Variants in GTPBP10 observed in about 807,000 individuals in gnomAD.
The protein encoded by GTPBP10 is GTP binding protein 10, also known as GTP-binding protein 10.
Under a neutral mutation model 44.8 loss-of-function variants are expected in GTPBP10, and 38 were observed. The ratio of observed to expected loss-of-function variants is 0.85; its 90% confidence interval spans 0.65 to 1.11. GTPBP10 has a LOEUF of 1.11. Ranked by LOEUF, GTPBP10 falls within the 50% of genes most tolerant of loss-of-function variation. The pLI is 0.00. For synonymous variants in GTPBP10, 152 were observed against 150.6 expected (o/e 1.01, Z -0.07); for missense variants, 462 against 453.7 (o/e 1.02, Z -0.17).
Position 90,372,915 on chromosome 7 carries a change from G to A in GTPBP10, c.538+687G>A, listed in dbSNP as rs142792855. On this transcript the variant is annotated intron_variant, in intron 5 of 9. Transcript: ENST00000222511. The stretch of plus-strand genomic sequence containing the variant: ...AGTTTGTAGACTAGTGGAGTAAGGC[G>A]TACATATCACTAATAAATATAAGGG... Among the ~76,000 whole-genome samples the A allele has an allele frequency of 5.6e-3, 847 of 152,214 alleles. 6 individuals are homozygous for A. Among genetic ancestry groups the A allele is most frequent in the Non-Finnish European group, 9.0e-3 (609 of 68,024 alleles).
chr7:90,353,352 C>G lies in GTPBP10; in HGVS notation c.227+343C>G, dbSNP rs184366130. On this transcript the variant is annotated intron_variant, in intron 2 of 9. Coordinates refer to ENST00000222511, the MANE Select transcript of GTPBP10 (RefSeq NM_033107.4). ...TCAGTCTTAACCATGCTACTCTACC[C>G]CACCACCATTAGAAGGCAAGATAAC... 954 of 171,930 alleles carry G rather than the reference C, an allele frequency of 5.5e-3. 5 individuals carry two copies. Among genetic ancestry groups the G allele is most frequent in the Middle Eastern group, 0.025 (9 of 364 alleles). 10.7% of individuals were successfully genotyped at this position (171,930 alleles called of 1,614,324 possible).
Position 90,384,868 on chromosome 7 carries a change from CTTTG to C in GTPBP10, c.902-18_902-15del, listed in dbSNP as rs747529954. 4.5e-6 allele frequency: 7 copies of C among 1,567,724 alleles called. No homozygotes were observed. In the Admixed American group the frequency reaches 5.8e-5, roughly 13 times the overall value. On this transcript the variant is annotated intron_variant, in intron 9 of 9. Coordinates refer to ENST00000222511, the MANE Select transcript of GTPBP10 (RefSeq NM_033107.4). ...AACTTTCGAAAACAATGGAAATCAG[CTTTG>C]TTTGTGCTCTTTCTTTTAGATTTTC...
chr7:90,366,200 G>A lies in GTPBP10; in HGVS notation c.465-5955G>A, dbSNP rs184252551. On this transcript the variant is annotated intron_variant, in intron 4 of 9. Transcript: ENST00000222511. Reference sequence around the variant, plus strand: ...ATTGAGGATTTTCGCATTGATGTTCGTCAGGGATATTGGCCTAGAATTCTC... The same window carrying A: ...ATTGAGGATTTTCGCATTGATGTTCATCAGGGATATTGGCCTAGAATTCTC... Among the ~76,000 whole-genome samples the A allele has an allele frequency of 8.3e-3, 1,259 of 151,948 alleles. 9 individuals carry two copies. The highest frequency in any genetic ancestry group is 0.014 in the Non-Finnish European group (944 of 68,002).
chr7:90,368,115 C>G (rs746204798), intron 4 of GTPBP10, among the ~76,000 whole-genome samples: 3 of 152,218 alleles, frequency 2.0e-5, no homozygotes, highest in Non-Finnish European at 2.9e-5. Context: ...GGCCCCCACT[C>G]TCTTCTGGCT....
intron 4 of GTPBP10, among the ~76,000 whole-genome samples, chr7:90,367,820 A>T (rs546732936): frequency 2.7e-4 from 41 of 152,314 alleles, no homozygotes; most frequent in African/African-American, 9.9e-4. Context: ...TGATCCTGCC[A>T]TTATGACGTT....
intron 6 of GTPBP10, among the ~76,000 whole-genome samples, chr7:90,376,222 G>A (rs1038938719): frequency 6.6e-6 from 1 of 151,904 alleles, no homozygotes; most frequent in Admixed American, 6.6e-5. Flanking sequence ...GCGACAGAGC[G>A]AGACTCTCTC....
chr7:90,357,281 A>G (rs1474384749), intron 4 of GTPBP10, among the ~76,000 whole-genome samples: 1 of 152,282 alleles, frequency 6.6e-6, no homozygotes, highest in East Asian at 1.9e-4. Context: ...AGTTGCTTGC[A>G]TTATGTGCTC....
chr7:90,378,258 G>A (rs1796378665), intron 8 of GTPBP10, 47 bp downstream of exon 8: 2 of 1,550,800 alleles, frequency 1.3e-6, no homozygotes, highest in Non-Finnish European at 8.8e-7. Flanking sequence ...TAATACATAG[G>A]AATGTAAGAC....
chr7:90,355,263 T>C, intron 4 of GTPBP10, 33 bp downstream of exon 4: 1 of 1,340,330 alleles, frequency 7.5e-7, no homozygotes, highest in Non-Finnish European at 1.0e-6. Flanking sequence ...TTATTATACT[T>C]TCAGAGAGAG....
intron 6 of GTPBP10, among the ~76,000 whole-genome samples, chr7:90,377,235 TAATA>T (rs1242085969): frequency 1.3e-5 from 2 of 152,006 alleles, no homozygotes; most frequent in South Asian, 2.1e-4. Context: ...AAAATAATAA[TAATA>T]AATAAATAAA....
At chr7:90,356,370 G>A (rs1321812866) in intron 4 of GTPBP10, among the ~76,000 whole-genome samples, 1 of 152,118 alleles carries the variant, frequency 6.6e-6, no homozygotes, top group East Asian at 1.9e-4. Context: ...TATATTTTTA[G>A]GAACATTATG....
chr7:90,358,214 A>G (rs1012783592), intron 4 of GTPBP10, among the ~76,000 whole-genome samples: 1 of 152,206 alleles, frequency 6.6e-6, no homozygotes, highest in African/African-American at 2.4e-5. Flanking sequence ...ACCAAAGAAT[A>G]TACGTAACCA....
At chr7:90,348,435 G>A (rs1795723750) in intron 1 of GTPBP10, among the ~76,000 whole-genome samples, 1 of 152,064 alleles carries the variant, frequency 6.6e-6, no homozygotes, top group South Asian at 2.1e-4. Context: ...TATATATATA[G>A]TATATACTGT....
At position 90,358,053 on chromosome 7, in the gene GTPBP10, G is replaced by C. The variant is rs553000720; in HGVS notation, c.464+2823G>C. The stretch of plus-strand genomic sequence containing the variant: ...GAAAACCCTAGAGACTCCTTCAAAA[G>C]ACTCCTAGATTTGATAAATGAATTC... On this transcript the variant is annotated intron_variant, in intron 4 of 9. Coordinates refer to ENST00000222511, the MANE Select transcript of GTPBP10 (RefSeq NM_033107.4). 7.2e-5 allele frequency among the ~76,000 whole-genome samples: 11 copies of C among 152,128 alleles called. No homozygotes were observed. In the South Asian group the frequency reaches 2.3e-3, roughly 32 times the overall value.
At chr7:90,368,906 T>C (rs940491142) in intron 4 of GTPBP10, among the ~76,000 whole-genome samples, 2 of 152,260 alleles carry the variant, frequency 1.3e-5, no homozygotes, top group Admixed American at 1.3e-4. Context: ...TTTTCTGCTC[T>C]GGTTTCTCCC....
rs1355153941 is a variant in GTPBP10, at chr7:90,387,470, A to G, written c.*2316A>G. The G allele has an allele frequency of 1.3e-5, 2 of 152,230 alleles. No individual in the cohort carries two copies. Among genetic ancestry groups the G allele is most frequent in the African/African-American group, 4.8e-5 (2 of 41,470 alleles). The allele number at this position is 152,230 out of a possible 1,614,324, so 9.4% of individuals were successfully genotyped here. A position where few individuals can be genotyped will look rare whatever the true frequency, so the allele number is the denominator to read the frequency against. ...ACCCTTTGGTAAAGTATTAAAGAAA[A>G]ATAATGCATTGTTCTCAGCTTAAAT... is the stretch of plus-strand genomic sequence containing the variant. On this transcript the variant is annotated 3_prime_UTR_variant, in exon 10 of 10. Coordinates refer to ENST00000222511, the MANE Select transcript of GTPBP10 (RefSeq NM_033107.4).
intron 8 of GTPBP10, among the ~76,000 whole-genome samples, chr7:90,380,926 T>G (rs1796426007): frequency 1.3e-5 from 2 of 152,174 alleles, no homozygotes; most frequent in South Asian, 4.1e-4. Flanking sequence ...CTTAGCATAG[T>G]GTTCTCCAGG....
intron 7 of GTPBP10, 89 bp downstream of exon 7, chr7:90,377,703 T>A (rs1584645618): frequency 1.2e-6 from 1 of 800,888 alleles, no homozygotes. Context: ...AATAAGAAAG[T>A]GGTAGCATAT....
In GTPBP10 at chr7:90,372,185, A is replaced by C; in HGVS notation, c.495A>C (p.Leu165=). Reference sequence around the variant, plus strand: ...CAAATGCTGGAAAATCCTCTTTGCTAAGTTGTGTTTCTCATGCAAAACCTG... The same window carrying C: ...CAAATGCTGGAAAATCCTCTTTGCTCAGTTGTGTTTCTCATGCAAAACCTG... ...GFPNAGKSSL[L]SCVSHAKPAI... The change falls in exon 5 of 10, where the codon CTA becomes CTC. Residue 165 remains leucine, a synonymous_variant. Coordinates refer to ENST00000222511, the MANE Select transcript of GTPBP10 (RefSeq NM_033107.4). The C allele has an allele frequency of 1.2e-6, 2 of 1,606,852 alleles. No individual in the cohort carries two copies. Among genetic ancestry groups the C allele is most frequent in the Non-Finnish European group, 8.5e-7 (1 of 1,176,004 alleles).
Sources: allele counts gnomAD v4.1 joint callset (sites outside exome capture counted in the v4.1 genomes callset), GRCh38; gene constraint gnomAD v4.1.1; transcripts MANE v1.5; gene names NCBI Gene and HGNC (gene_info 2026-07-23, HGNC 2026-07-21).